Variants in SUGCT observed in about 807,000 individuals in gnomAD.
SUGCT encodes the protein succinyl-CoA:glutarate CoA-transferase.
In SUGCT, 41 loss-of-function variants were observed where a neutral mutation model predicts 55.0. The ratio of observed to expected loss-of-function variants is 0.74; its 90% CI spans 0.58 to 0.97. The LOEUF is 0.97. Ranked by LOEUF, SUGCT falls within the 50% of genes least tolerant of loss-of-function variation. The pLI is 0.00. For missense variants in SUGCT, 568 were observed against 547.8 expected (o/e 1.04, Z -0.37); for synonymous variants, 187 against 200.4 (o/e 0.93, Z 0.56).
intron 5 of SUGCT, among the ~76,000 whole-genome samples, chr7:40,193,021 C>T (rs1334875876): frequency 6.7e-6 from 1 of 149,326 alleles, no homozygotes; most frequent in South Asian, 2.1e-4. Flanking sequence ...GGCTGGAGTG[C>T]AGTAGTGAGA....
At chr7:40,921,256 T>C in the SUGCT span, among the ~76,000 whole-genome samples, 1 of 152,242 alleles carries the variant, frequency 6.6e-6, no homozygotes, top group Admixed American at 6.5e-5. Flanking sequence ...CAAAATAATA[T>C]ATTATTTGGA....
chr7:40,593,443 T>C (rs970763338), intron 12 of SUGCT, among the ~76,000 whole-genome samples: 2 of 152,180 alleles, frequency 1.3e-5, no homozygotes, highest in African/African-American at 2.4e-5. Context: ...CAATGTACAA[T>C]TGTTGCCTTC....
At chr7:40,435,276 A>G (rs567838784) in intron 9 of SUGCT, among the ~76,000 whole-genome samples, 2 of 152,310 alleles carry the variant, frequency 1.3e-5, no homozygotes, top group African/African-American at 4.8e-5. Context: ...TCCTGATAGA[A>G]GTATATTCAG....
At chr7:40,986,265 C>T in the SUGCT span, among the ~76,000 whole-genome samples, 9,880 of 152,260 alleles carry the variant, frequency 0.065, 461 homozygotes, top group South Asian at 0.21. Flanking sequence ...TATCATGTGT[C>T]ATTGAGCTAA....
the SUGCT span, among the ~76,000 whole-genome samples, chr7:40,941,778 G>C: frequency 6.6e-6 from 1 of 152,020 alleles, no homozygotes; most frequent in Non-Finnish European, 1.5e-5. Context: ...ATTTAGGATT[G>C]TAATATCTTG....
In SUGCT at chr7:40,236,442, C is replaced by CAAAAAAAA. The variant is rs60720770; in HGVS notation, c.485-1183_485-1176dup. On this transcript the variant is annotated intron_variant, in intron 6 of 13. Transcript: ENST00000335693. ...GTGTTCTGTTGATTCTTTCTGATGG[C>CAAAAAAAA]AAAAAAAAAAAAAAAAATTTGACAC... is the stretch of plus-strand genomic sequence containing the variant. Among the ~76,000 whole-genome samples the CAAAAAAAA allele has an allele frequency of 1.6e-4, 14 of 90,024 alleles. 1 individual carries two copies. The highest frequency in any genetic ancestry group is 2.9e-4 in the East Asian group (1 of 3,442). The allele number at this position is 90,024 out of a possible 152,430, so 59.1% of individuals were successfully genotyped here.
intron 12 of SUGCT, among the ~76,000 whole-genome samples, chr7:40,588,477 T>A (rs1797527918): frequency 6.6e-6 from 1 of 151,950 alleles, no homozygotes; most frequent in South Asian, 2.1e-4. Context: ...AGGTAAGGGG[T>A]TATCTGTGTT....
At chr7:40,783,756 C>T (rs961270119) in intron 13 of SUGCT, among the ~76,000 whole-genome samples, 2 of 152,146 alleles carry the variant, frequency 1.3e-5, no homozygotes, top group Non-Finnish European at 2.9e-5. Context: ...CTTACAACTT[C>T]ATGCAGGTTT....
intron 12 of SUGCT, among the ~76,000 whole-genome samples, chr7:40,681,612 A>G (rs570732683): frequency 6.6e-6 from 1 of 152,274 alleles, no homozygotes; most frequent in South Asian, 2.1e-4. Flanking sequence ...CTTGCAGGTA[A>G]GGGTTTTTAA....
chr7:40,633,270 AT>A, intron 12 of SUGCT, among the ~76,000 whole-genome samples: 1 of 152,268 alleles, frequency 6.6e-6, no homozygotes, highest in South Asian at 2.1e-4. Flanking sequence ...AAGTGTCTAT[AT>A]TTTTTTCTCT....
At chr7:40,553,521 A>T (rs539532721) in intron 12 of SUGCT, among the ~76,000 whole-genome samples, 1 of 152,234 alleles carries the variant, frequency 6.6e-6, no homozygotes, top group Non-Finnish European at 1.5e-5. Flanking sequence ...CCATGGATTT[A>T]CAGAAATCAC....
At chr7:40,878,194 T>C in the SUGCT span, among the ~76,000 whole-genome samples, 2 of 152,250 alleles carry the variant, frequency 1.3e-5, no homozygotes, top group South Asian at 4.1e-4. Context: ...AATTCTGCTC[T>C]TGTTTTATGA....
rs2128667071 is a variant in SUGCT, at chr7:40,706,460, T to C, written c.1090-42974T>C. Reference sequence around the variant, plus strand: ...GGCAGAGGTTGCAGTGAGCCAAGATTGTGGCACTGCACTCCAACCTGAGCG... The same window carrying C: ...GGCAGAGGTTGCAGTGAGCCAAGATCGTGGCACTGCACTCCAACCTGAGCG... On this transcript the variant is annotated intron_variant, in intron 12 of 13. Transcript: ENST00000335693. Among the ~76,000 whole-genome samples, 3 of 152,218 alleles carry C rather than the reference T, an allele frequency of 2.0e-5. No homozygotes were observed. In the South Asian group the frequency reaches 6.2e-4, roughly 32 times the overall value.
At chr7:40,155,367 GAA>G (rs769265570) in intron 1 of SUGCT, among the ~76,000 whole-genome samples, 8 of 139,450 alleles carry the variant, frequency 5.7e-5, no homozygotes, top group African/African-American at 7.8e-5. Flanking sequence ...TTCTTCCAGT[GAA>G]AAAAAAAAAA....
the SUGCT span, among the ~76,000 whole-genome samples, chr7:40,908,227 CA>C: frequency 1.3e-4 from 19 of 151,276 alleles, no homozygotes; most frequent in African/African-American, 4.4e-4. Flanking sequence ...AAAAAAAATA[CA>C]AAAAATTAGC....
chr7:40,661,161 C>T (rs1413954244), intron 12 of SUGCT, among the ~76,000 whole-genome samples: 1 of 152,192 alleles, frequency 6.6e-6, no homozygotes, highest in Non-Finnish European at 1.5e-5. Flanking sequence ...CACACCTTCT[C>T]CAGTCTCTTC....
At chr7:40,655,718 A>G (rs1800986998) in intron 12 of SUGCT, among the ~76,000 whole-genome samples, 1 of 152,224 alleles carries the variant, frequency 6.6e-6, no homozygotes, top group Non-Finnish European at 1.5e-5. Context: ...GGTGAAATCA[A>G]AAATGTTCAG....
chr7:40,248,928 C>CACA lies in SUGCT; in HGVS notation c.576+11202_576+11203insACA, dbSNP rs1562611530. Among the ~76,000 whole-genome samples, 1,035 of 142,546 alleles carry CACA rather than the reference C, an allele frequency of 7.3e-3. 10 individuals carry two copies. Among genetic ancestry groups the CACA allele is most frequent in the Non-Finnish European group, 0.01 (655 of 64,224 alleles). 93.5% of individuals were successfully genotyped at this position (142,546 alleles called of 152,430 possible). On this transcript the variant is annotated intron_variant, in intron 7 of 13. Transcript: ENST00000335693. ...CACACACGCACACACACACACACTC[C>CACA]CTCTCTCTCTGTCTCTCTCTCTCTC...
At chr7:40,943,908 T>C in the SUGCT span, among the ~76,000 whole-genome samples, 344 of 149,942 alleles carry the variant, frequency 2.3e-3, no homozygotes, top group Non-Finnish European at 4.2e-3. Context: ...AGTGTAAAAG[T>C]GTTCCTATTT....
Sources: allele counts gnomAD v4.1 joint callset (sites outside exome capture counted in the v4.1 genomes callset), GRCh38; gene constraint gnomAD v4.1.1; transcripts MANE v1.5; gene names NCBI Gene and HGNC (gene_info 2026-07-23, HGNC 2026-07-21).